CYP20A1: variants seen among roughly 807,000 people sequenced by gnomAD.
The protein encoded by CYP20A1 is cytochrome P450 20A1.
CYP20A1 carries 61 observed loss-of-function variants against 61.4 expected under a neutral mutation model. The ratio of observed to expected loss-of-function variants is 0.99; its 90% confidence interval spans 0.81 to 1.23. The LOEUF (loss-of-function observed/expected upper bound fraction) is 1.23. Ranked by LOEUF, CYP20A1 falls within the 50% of genes most tolerant of loss-of-function variation. The probability of loss-of-function intolerance (pLI) is 0.00; values close to 1 mark genes in which losing one functional copy is unlikely to be tolerated. For synonymous variants in CYP20A1, 193 were observed against 188.2 expected (o/e 1.03, Z -0.21); for missense variants, 530 against 542.4 (o/e 0.98, Z 0.23).
intron 7 of CYP20A1, 34 bp downstream of exon 7, chr2:203,278,722 AAAT>A: frequency 8.0e-7 from 1 of 1,243,572 alleles, no homozygotes; most frequent in Non-Finnish European, 1.1e-6. Flanking sequence ...TCAGGTAAAA[AAAT>A]AAGCCAGAGC....
chr2:203,264,148 G>A (rs988639653), intron 4 of CYP20A1, among the ~76,000 whole-genome samples: 4 of 151,938 alleles, frequency 2.6e-5, no homozygotes, highest in Admixed American at 6.6e-5. Context: ...CCCATGCCTA[G>A]CTAACTTTTA....
chr2:203,265,474 G>T (rs1257061768), intron 4 of CYP20A1, among the ~76,000 whole-genome samples: 1 of 152,018 alleles, frequency 6.6e-6, no homozygotes, highest in African/African-American at 2.4e-5. Context: ...CTTTGATTTT[G>T]TACACTAATT....
intron 3 of CYP20A1, among the ~76,000 whole-genome samples, 174 bp from the exon 4 acceptor site, chr2:203,251,793 G>GTATATATATATATATATATA (rs34020768): frequency 3.1e-5 from 2 of 64,176 alleles, no homozygotes; most frequent in Admixed American, 2.0e-4. Flanking sequence ...ATATATATGT[G>GTATATATATATATATATATA]TATATATATA....
In CYP20A1 at chr2:203,304,578, A is replaced by G. The variant is rs1043814414; in HGVS notation, c.*7670A>G. 6.6e-6 allele frequency among the ~76,000 whole-genome samples: 1 copy of G among 152,190 alleles called. No homozygotes were observed. Among genetic ancestry groups the G allele is most frequent in the Non-Finnish European group, 1.5e-5 (1 of 68,042 alleles). On this transcript the variant is annotated 3_prime_UTR_variant, in exon 13 of 13. Coordinates refer to ENST00000356079, the MANE Select transcript of CYP20A1 (RefSeq NM_177538.3). ...GACTGTTTATATTTTTCCCTGTTCC[A>G]CATACATACATTTTTACATAGTACG... is the stretch of plus-strand genomic sequence containing the variant.
At chr2:203,239,318 C>G (rs1439230821) in intron 1 of CYP20A1, among the ~76,000 whole-genome samples, 184 bp downstream of exon 1, 1 of 152,126 alleles carries the variant, frequency 6.6e-6, no homozygotes, top group South Asian at 2.1e-4. Context: ...CCGGCAAGCT[C>G]TGAGAGCGAC....
At chr2:203,272,174 C>T (rs1401993455) in intron 5 of CYP20A1, among the ~76,000 whole-genome samples, 1 of 151,756 alleles carries the variant, frequency 6.6e-6, no homozygotes, top group East Asian at 1.9e-4. Context: ...ATATTTGTAC[C>T]CTCCCCTCTG....
chr2:203,272,842 TTA>T (rs2152084928), intron 6 of CYP20A1, 94 bp downstream of exon 6: 1 of 712,822 alleles, frequency 1.4e-6, no homozygotes, highest in Non-Finnish European at 2.2e-6. Context: ...TAAAGGTCAT[TTA>T]TATTTTCTTT....
At chr2:203,291,028 T>C (rs1281466387) in intron 10 of CYP20A1, among the ~76,000 whole-genome samples, 1 of 152,014 alleles carries the variant, frequency 6.6e-6, no homozygotes, top group East Asian at 1.9e-4. Flanking sequence ...AGGTGTTGAG[T>C]AGAGTCTGAG....
intron 12 of CYP20A1, 86 bp downstream of exon 12, chr2:203,296,649 ATTT>A: frequency 7.1e-7 from 1 of 1,402,700 alleles, no homozygotes; most frequent in Non-Finnish European, 9.7e-7. Flanking sequence ...TTAAAGTATT[ATTT>A]TTTTATTATT....
intron 10 of CYP20A1, among the ~76,000 whole-genome samples, chr2:203,290,597 T>C (rs1022692597): frequency 2.0e-5 from 3 of 152,214 alleles, no homozygotes; most frequent in African/African-American, 7.2e-5. Flanking sequence ...CTCATTATTA[T>C]TAATGGCTGC....
chr2:203,295,390 T>C (rs2152114781), intron 11 of CYP20A1, among the ~76,000 whole-genome samples: 1 of 152,282 alleles, frequency 6.6e-6, no homozygotes, highest in African/African-American at 2.4e-5. Flanking sequence ...CACCTATTAA[T>C]AAATCTGGAT....
chr2:203,276,739 G>C (rs1484994472), intron 6 of CYP20A1, among the ~76,000 whole-genome samples: 1 of 152,198 alleles, frequency 6.6e-6, no homozygotes, highest in African/African-American at 2.4e-5. Flanking sequence ...AGACAACCAA[G>C]TGCAGAGGTT....
At chr2:203,260,384 G>A (rs1359391021) in intron 4 of CYP20A1, among the ~76,000 whole-genome samples, 1 of 150,038 alleles carries the variant, frequency 6.7e-6, no homozygotes, top group South Asian at 2.1e-4. Context: ...CACGACGCCC[G>A]GCTAATTTTA....
intron 8 of CYP20A1, among the ~76,000 whole-genome samples, chr2:203,280,770 T>C (rs1279322103): frequency 6.6e-6 from 1 of 152,204 alleles, no homozygotes; most frequent in Non-Finnish European, 1.5e-5. Context: ...TTTAGTCTTG[T>C]TTTAAAGGGC....
chr2:203,286,646 T>A (rs926347387), intron 9 of CYP20A1, among the ~76,000 whole-genome samples: 6 of 152,100 alleles, frequency 3.9e-5, no homozygotes, highest in African/African-American at 1.2e-4. Context: ...AGGCAAACTG[T>A]GGTGATAAAA....
intron 5 of CYP20A1, among the ~76,000 whole-genome samples, chr2:203,270,461 A>C (rs1215633210): frequency 6.6e-6 from 1 of 151,906 alleles, no homozygotes; most frequent in Non-Finnish European, 1.5e-5. Context: ...TTTTAGGCCC[A>C]CCTGGCTGTT....
chr2:203,259,434 T>C (rs1205467817), intron 4 of CYP20A1, among the ~76,000 whole-genome samples: 1 of 152,040 alleles, frequency 6.6e-6, no homozygotes, highest in African/African-American at 2.4e-5. Context: ...TCTTGTGAGA[T>C]GTTGTTTAAA....
rs763764173 is a variant in CYP20A1 at position 203,301,914 on chromosome 2, C to CTTTTTTT, written c.*5022_*5028dup. ...TTTGAAGTTAACCACTGTTAAGATT[C>CTTTTTTT]TTTTTTTTTTTTTTTTTTTTTTGTT... On this transcript the variant is annotated 3_prime_UTR_variant, in exon 13 of 13. Coordinates refer to ENST00000356079, the MANE Select transcript of CYP20A1 (RefSeq NM_177538.3). Among the ~76,000 whole-genome samples the CTTTTTTT allele has an allele frequency of 0.015, 1,526 of 103,566 alleles. 4 individuals are homozygous for CTTTTTTT. The highest frequency in any genetic ancestry group is 0.023 in the Middle Eastern group (3 of 132). The allele number at this position is 103,566 out of a possible 152,430, so 67.9% of individuals were successfully genotyped here. A position where few individuals can be genotyped will look rare whatever the true frequency, so the allele number is the denominator to read the frequency against.
chr2:203,301,742 T>C lies in CYP20A1; in HGVS notation c.*4834T>C, dbSNP rs1402771480. Among the ~76,000 whole-genome samples the C allele has an allele frequency of 6.6e-6, 1 of 152,136 alleles. No individual in the cohort carries two copies. Among genetic ancestry groups the C allele is most frequent in the African/African-American group, 2.4e-5 (1 of 41,426 alleles). ...TTATATAAATAGATTCTACCTAACT[T>C]ATAACCCCTATGTCAAAATTTGTTT... On this transcript the variant is annotated 3_prime_UTR_variant, in exon 13 of 13. Coordinates refer to ENST00000356079, the MANE Select transcript of CYP20A1 (RefSeq NM_177538.3).
Sources: allele counts gnomAD v4.1 joint callset (sites outside exome capture counted in the v4.1 genomes callset), GRCh38; gene constraint gnomAD v4.1.1; transcripts MANE v1.5; gene names NCBI Gene and HGNC (gene_info 2026-07-23, HGNC 2026-07-21).